Variants in PPP1R13B observed in about 807,000 individuals in gnomAD.
PPP1R13B encodes the protein apoptosis-stimulating of p53 protein 1.
PPP1R13B carries 44 observed loss-of-function variants against 119.8 expected under a neutral mutation model. That is an observed-to-expected ratio of 0.37 (90% CI 0.29 to 0.47). The LOEUF (loss-of-function observed/expected upper bound fraction) is 0.47. PPP1R13B is among the 20% of genes least tolerant of loss of function. The pLI is 0.99. For missense variants in PPP1R13B, 1,227 were observed against 1,413.5 expected (o/e 0.87, Z 2.12); for synonymous variants, 542 against 561.5 (o/e 0.97, Z 0.49).
chr14:103,752,534 C>CT (rs35277937), intron 7 of PPP1R13B, among the ~76,000 whole-genome samples: 4,208 of 126,260 alleles, frequency 0.033, 292 homozygotes, highest in African/African-American at 0.1. Flanking sequence ...GAATTAGATC[C>CT]TTTTTTTTTT....
chr14:103,836,612 T>TA (rs1009257634), intron 1 of PPP1R13B, among the ~76,000 whole-genome samples: 24 of 150,918 alleles, frequency 1.6e-4, no homozygotes, highest in Admixed American at 5.3e-4. Context: ...CTACTAAAGA[T>TA]AAAAAAAATT....
chr14:103,842,552 C>G (rs1204614105), intron 1 of PPP1R13B, among the ~76,000 whole-genome samples: 1 of 151,082 alleles, frequency 6.6e-6, no homozygotes, highest in Non-Finnish European at 1.5e-5. Flanking sequence ...ATCTGCCCAT[C>G]TCAGCTTCCC....
chr14:103,799,381 TGTTAG>T (rs1567133170), intron 1 of PPP1R13B, among the ~76,000 whole-genome samples: 1 of 151,932 alleles, frequency 6.6e-6, no homozygotes, highest in African/African-American at 2.4e-5. Context: ...GGTTTCACCG[TGTTAG>T]CCAGGCTGGT....
chr14:103,775,292 GGAGACA>G (rs2085161563), intron 4 of PPP1R13B, among the ~76,000 whole-genome samples: 1 of 103,478 alleles, frequency 9.7e-6, no homozygotes, highest in South Asian at 2.9e-4. Flanking sequence ...TTTTTTTTTT[GGAGACA>G]GAGTCTCGCT....
chr14:103,767,260 A>G (rs1170382206), intron 4 of PPP1R13B, among the ~76,000 whole-genome samples: 1 of 152,144 alleles, frequency 6.6e-6, no homozygotes, highest in Non-Finnish European at 1.5e-5. Context: ...GCTGCAGTGA[A>G]CTATGATTGC....
At chr14:103,763,786 A>G (rs1489649169) in intron 4 of PPP1R13B, 2 of 152,256 alleles carry the variant, frequency 1.3e-5, no homozygotes, top group African/African-American at 2.4e-5. Context: ...AAGTTACCTC[A>G]TGCCATTCAC....
chr14:103,837,349 G>A (rs1466908589), intron 1 of PPP1R13B, among the ~76,000 whole-genome samples: 1 of 152,066 alleles, frequency 6.6e-6, no homozygotes, highest in Non-Finnish European at 1.5e-5. Context: ...GACATGGCAG[G>A]CATCTATCTC....
intron 1 of PPP1R13B, among the ~76,000 whole-genome samples, chr14:103,827,160 T>TA (rs1175552329): frequency 4.6e-5 from 7 of 151,312 alleles, no homozygotes; most frequent in East Asian, 2.0e-4. Context: ...CCATCTCTAT[T>TA]AAAAATACAA....
Position 103,738,470 on chromosome 14 carries a change from C to T in PPP1R13B, c.2864+209G>A. The T allele has an allele frequency of 1.4e-6, 1 of 705,522 alleles. No individual in the cohort carries two copies. The allele number at this position is 705,522 out of a possible 1,614,324, so 43.7% of individuals were successfully genotyped here. A position where few individuals can be genotyped will look rare whatever the true frequency, so the allele number is the denominator to read the frequency against. Reference sequence around the variant, plus strand: ...ACGAGGCACAGAAAGAGCATAACCACAGCCACGTTTTTAACAAAATCATCA... The same window carrying T: ...ACGAGGCACAGAAAGAGCATAACCATAGCCACGTTTTTAACAAAATCATCA... On this transcript the variant is annotated intron_variant, in intron 14 of 16. Coordinates refer to ENST00000202556, the MANE Select transcript of PPP1R13B (RefSeq NM_015316.3). This position sits in a 1 kb window ranked among gnomAD's most constrained non-coding sequence, Gnocchi z 5.6.
rs1057064815 is a variant in PPP1R13B, at chr14:103,738,614, G to A, written c.2864+65C>T. On this transcript the variant is annotated intron_variant, in intron 14 of 16. Coordinates refer to ENST00000202556, the MANE Select transcript of PPP1R13B (RefSeq NM_015316.3). This position sits in a 1 kb window ranked among gnomAD's most constrained non-coding sequence, Gnocchi z 5.6. ...CGTGCTTCCTAATTGTCTAGAACAC[G>A]CCTGTTTTCCTTATGCAAAGCAGGG... is the stretch of plus-strand genomic sequence containing the variant. 16 of 1,595,982 alleles carry A rather than the reference G, an allele frequency of 1.0e-5. No individual in the cohort carries two copies. The highest frequency in any genetic ancestry group is 4.0e-5 in the African/African-American group (3 of 74,840).
chr14:103,784,249 TAG>T (rs1243817933), intron 3 of PPP1R13B, among the ~76,000 whole-genome samples: 3 of 151,964 alleles, frequency 2.0e-5, no homozygotes, highest in Non-Finnish European at 2.9e-5. Context: ...TTAATTAACT[TAG>T]AGTCCTGAGA....
chr14:103,742,218 T>C lies in PPP1R13B; in HGVS notation c.1394A>G (p.Tyr465Cys). ...GKQLPPSYGT[Y>C]PSPTPLGPGS... ...AGGACCCAGAGGTGTAGGACTTGGGTATGTCCCATAGCTTGGAGGCAGCTG... is the reference window on the plus strand; with the variant it reads ...AGGACCCAGAGGTGTAGGACTTGGGCATGTCCCATAGCTTGGAGGCAGCTG... Residue 465 changes from tyrosine (Y) to cysteine (C), a missense_variant, in exon 11 of 17, where the codon TAC becomes TGC. Tyr to Cys is a radical substitution (Grantham distance 194). Transcript: ENST00000202556. This position sits in a 1 kb window ranked among gnomAD's most constrained non-coding sequence, Gnocchi z 4.9. 6.2e-7 allele frequency: 1 copy of C among 1,600,586 alleles called. No individual in the cohort carries two copies.
At chr14:103,809,116 A>C (rs1220433208) in intron 1 of PPP1R13B, among the ~76,000 whole-genome samples, 3 of 152,128 alleles carry the variant, frequency 2.0e-5, no homozygotes, top group African/African-American at 7.2e-5. Context: ...TTGGCCTCCC[A>C]AAGTGCTGGG....
In PPP1R13B at chr14:103,734,269, C is replaced by T. The variant is rs2084031728; in HGVS notation, c.*885G>A. 1 of 310,020 alleles carries T rather than the reference C, an allele frequency of 3.2e-6. No individual in the cohort carries two copies. The highest frequency in any genetic ancestry group is 2.8e-5 in the South Asian group (1 of 35,414). The allele number at this position is 310,020 out of a possible 1,614,324, so 19.2% of individuals were successfully genotyped here. On this transcript the variant is annotated 3_prime_UTR_variant, in exon 17 of 17. Coordinates refer to ENST00000202556, the MANE Select transcript of PPP1R13B (RefSeq NM_015316.3). ...CACCAGGCGTCTGCCATCCTTCAGG[C>T]ACCAAACAGCCCCGTCTACCTGGCC...
intron 3 of PPP1R13B, among the ~76,000 whole-genome samples, chr14:103,784,041 C>T (rs908168755): frequency 6.6e-6 from 1 of 151,896 alleles, no homozygotes; most frequent in East Asian, 1.9e-4. Context: ...TTTAGTGTGG[C>T]GGTGGGTGCC....
chr14:103,784,272 C>G (rs6575999), intron 3 of PPP1R13B, among the ~76,000 whole-genome samples: 67,805 of 151,814 alleles, frequency 0.45, 15,629 homozygotes, highest in African/African-American at 0.56. Context: ...AGGAAAGAAG[C>G]GTTGGTGCCT....
chr14:103,803,937 T>C (rs1260186706), intron 1 of PPP1R13B: 10 of 613,332 alleles, frequency 1.6e-5, no homozygotes, highest in Non-Finnish European at 2.0e-5. Flanking sequence ...AAGCCTCCTC[T>C]TCTCCCCTGC....
At chr14:103,774,929 A>G (rs1427713715) in intron 4 of PPP1R13B, among the ~76,000 whole-genome samples, 2 of 152,206 alleles carry the variant, frequency 1.3e-5, no homozygotes, top group African/African-American at 4.8e-5. Context: ...ATTCCTCTAG[A>G]GGAGCTCTCA....
intron 1 of PPP1R13B, among the ~76,000 whole-genome samples, chr14:103,814,946 CA>C (rs35559234): frequency 0.31 from 43,878 of 143,562 alleles, 6,823 homozygotes; most frequent in Non-Finnish European, 0.36. Context: ...CTCCGTCTCA[CA>C]AAAAAAAACA....
Sources: gnomAD v4.1 joint callset for allele counts (sites outside exome capture counted in the v4.1 genomes callset) on GRCh38, gnomAD v4.1.1 for gene constraint, Gnocchi (gnomAD v3.1) non-coding constraint, MANE v1.5 for transcripts, NCBI Gene and HGNC (gene_info 2026-07-23, HGNC 2026-07-21) for gene names.